The following OSBPL10 variants were observed in gnomAD, a reference collection of about 807,000 sequenced individuals.
OSBPL10 encodes the protein oxysterol binding protein like 10.
OSBPL10 carries 49 observed loss-of-function variants against 81.7 expected under a neutral mutation model. That is an observed-to-expected ratio of 0.60 (90% CI 0.48 to 0.76). The LOEUF (loss-of-function observed/expected upper bound fraction) is 0.76, where lower values mean the gene tolerates loss of function less well. Among genes scored for constraint, OSBPL10 ranks in the 30% least tolerant of loss-of-function variants. OSBPL10 has a pLI of 0.00. For synonymous variants in OSBPL10, 419 were observed against 383.6 expected (o/e 1.09, Z -1.08); for missense variants, 923 against 987.8 (o/e 0.93, Z 0.88).
At chr3:31,732,811 G>C in intron 6 of OSBPL10, 2 of 211,176 alleles carry the variant, frequency 9.5e-6, no homozygotes, top group South Asian at 1.5e-4. Flanking sequence ...TGTTGGCCAT[G>C]GCCCCACAGA....
chr3:31,727,262 C>T (rs55729932), intron 6 of OSBPL10, among the ~76,000 whole-genome samples: 11,081 of 152,082 alleles, frequency 0.073, 509 homozygotes, highest in South Asian at 0.1. Flanking sequence ...AGGAAGTCCA[C>T]ATATCAATTT....
intron 11 of OSBPL10, chr3:31,663,487 T>C: frequency 1.0e-6 from 1 of 992,796 alleles, no homozygotes. Flanking sequence ...GGGCTTCAGC[T>C]GGGCACACAG....
chr3:31,874,377 C>T (rs1701399850), intron 3 of OSBPL10, among the ~76,000 whole-genome samples: 1 of 152,042 alleles, frequency 6.6e-6, no homozygotes, highest in South Asian at 2.1e-4. Flanking sequence ...TACTCATAAA[C>T]TTGACTGCAA....
rs369103856 is a variant in OSBPL10 at position 31,940,237 on chromosome 3, G to A, written c.281+40662C>T. Among the ~76,000 whole-genome samples, 5 of 152,230 alleles carry A rather than the reference G, an allele frequency of 3.3e-5. No individual in the cohort carries two copies. In the East Asian group the frequency reaches 7.7e-4, roughly 23 times the overall value. ...AACCCATACAATGGAACACTACTCA[G>A]CAATGAAAAGGAGCTACGACTGATG... On this transcript the variant is annotated intron_variant, in intron 1 of 11. Coordinates refer to ENST00000396556, the MANE Select transcript of OSBPL10 (RefSeq NM_017784.5).
chr3:31,948,619 T>C (rs1267570866), intron 1 of OSBPL10, among the ~76,000 whole-genome samples: 1 of 152,208 alleles, frequency 6.6e-6, no homozygotes, highest in African/African-American at 2.4e-5. Flanking sequence ...CTTTATAAAG[T>C]TTCACGTTTT....
At chr3:31,879,549 G>C (rs1701566284) in intron 2 of OSBPL10, 106 bp downstream of exon 2, 1 of 1,224,578 alleles carries the variant, frequency 8.2e-7, no homozygotes. Context: ...TCCAAACACA[G>C]CAAACTGTCA....
intron 9 of OSBPL10, among the ~76,000 whole-genome samples, chr3:31,669,208 C>T (rs2125508933): frequency 6.6e-6 from 1 of 152,018 alleles, no homozygotes; most frequent in Admixed American, 6.5e-5. Context: ...GTGATGGGTG[C>T]ACCAAAATCT....
At chr3:31,733,137 C>G in intron 6 of OSBPL10, 120 bp downstream of exon 6, 1 of 1,394,818 alleles carries the variant, frequency 7.2e-7, no homozygotes, top group Non-Finnish European at 9.8e-7. Flanking sequence ...GGCAATTCTT[C>G]CATTTTTTAA....
At chr3:31,878,172 C>T (rs996046476) in intron 2 of OSBPL10, among the ~76,000 whole-genome samples, 5 of 152,088 alleles carry the variant, frequency 3.3e-5, no homozygotes, top group African/African-American at 1.2e-4. Context: ...CTAAAAAAAA[C>T]CTAGGGCTTA....
intron 1 of OSBPL10, among the ~76,000 whole-genome samples, chr3:32,068,989 C>T (rs1373566212): frequency 1.3e-5 from 2 of 152,250 alleles, no homozygotes; most frequent in South Asian, 2.1e-4. Context: ...CTCCCCTCCC[C>T]ACACCCGGTC....
intron 2 of OSBPL10, chr3:31,989,033 C>G: frequency 6.2e-7 from 1 of 1,602,450 alleles, no homozygotes; most frequent in Non-Finnish European, 8.5e-7. Context: ...GGAAGCAGAT[C>G]GCCTCAGTGA....
At chr3:31,741,542 C>T (rs34288424) in intron 5 of OSBPL10, among the ~76,000 whole-genome samples, 20,105 of 152,240 alleles carry the variant, frequency 0.13, 1,924 homozygotes, top group African/African-American at 0.27. Flanking sequence ...GGATTACAGG[C>T]GTGAGCCACT....
intron 4 of OSBPL10, chr3:31,797,859 G>C (rs1295966517): frequency 2.2e-6 from 1 of 451,782 alleles, no homozygotes; most frequent in Non-Finnish European, 4.4e-6. Context: ...AATGGGGATG[G>C]GGGGGTGAAT....
chr3:31,699,862 G>A (rs1695841031), intron 7 of OSBPL10, among the ~76,000 whole-genome samples: 1 of 152,220 alleles, frequency 6.6e-6, no homozygotes, highest in African/African-American at 2.4e-5. Context: ...TCCTTGAGGT[G>A]AAGAAGATTT....
chr3:31,717,641 T>G (rs1198896361), intron 6 of OSBPL10, among the ~76,000 whole-genome samples: 2 of 152,222 alleles, frequency 1.3e-5, no homozygotes, highest in East Asian at 3.8e-4. Context: ...GCATTTTCTA[T>G]TCTCTTTAAT....
intron 1 of OSBPL10, among the ~76,000 whole-genome samples, chr3:31,935,514 A>ATTTTTTTTTTTTTTTTTTTT (rs11359502): frequency 6.9e-6 from 1 of 144,450 alleles, no homozygotes; most frequent in Non-Finnish European, 1.5e-5. Context: ...TATGAAATAG[A>ATTTTTTTTTTTTTTTTTTTT]TTTTTTTTTT....
chr3:31,807,245 T>A (rs906613722), intron 4 of OSBPL10, among the ~76,000 whole-genome samples: 1 of 152,112 alleles, frequency 6.6e-6, no homozygotes, highest in Non-Finnish European at 1.5e-5. Context: ...CCAGGCGTCG[T>A]GTTGCACACC....
At chr3:31,701,667 C>T (rs759794345) in intron 7 of OSBPL10, 2 of 151,978 alleles carry the variant, frequency 1.3e-5, no homozygotes, top group South Asian at 2.1e-4. Context: ...TACAAAATTG[C>T]CTTTCCTGCT....
chr3:31,981,334 G>A, upstream of OSBPL10: 1 of 1,224,542 alleles, frequency 8.2e-7, no homozygotes, highest in Non-Finnish European at 1.0e-6. The surrounding 1 kb of genome is among the most constrained non-coding windows in gnomAD (Gnocchi z 4.5). Context: ...AGGAGGAGGA[G>A]GCGAAGGAGA....
Sources: gnomAD v4.1 joint callset for allele counts (sites outside exome capture counted in the v4.1 genomes callset) on GRCh38, gnomAD v4.1.1 for gene constraint, Gnocchi (gnomAD v3.1) non-coding constraint, MANE v1.5 for transcripts, NCBI Gene and HGNC (gene_info 2026-07-23, HGNC 2026-07-21) for gene names.